Variants in LMAN1 observed in about 807,000 individuals in gnomAD.
The protein encoded by LMAN1 is protein ERGIC-53.
Under a neutral mutation model 67.8 loss-of-function variants are expected in LMAN1, and 32 were observed. The ratio of observed to expected loss-of-function variants is 0.47; its 90% CI spans 0.36 to 0.63. The LOEUF is 0.63. Among genes scored for constraint, LMAN1 ranks in the 30% least tolerant of loss-of-function variants. The pLI is 0.00. For missense variants in LMAN1, 632 were observed against 628.2 expected (o/e 1.01, Z -0.06); for synonymous variants, 235 against 219.3 (o/e 1.07, Z -0.63).
At chr18:59,358,980 G>C (rs1357788005) in intron 1 of LMAN1, 51 bp downstream of exon 1, 1 of 1,555,130 alleles carries the variant, frequency 6.4e-7, no homozygotes, top group Non-Finnish European at 8.8e-7. Flanking sequence ...AGGCGAAGAG[G>C]CAGCAGAAGG....
rs975936251 is a variant in LMAN1 at position 59,328,603 on chromosome 18, C to T, written c.*2490G>A. 6.6e-6 allele frequency: 1 copy of T among 151,876 alleles called. No individual in the cohort carries two copies. The highest frequency in any genetic ancestry group is 1.9e-4 in the East Asian group (1 of 5,174). The allele number at this position is 151,876 out of a possible 1,614,324, so 9.4% of individuals were successfully genotyped here. A position where few individuals can be genotyped will look rare whatever the true frequency, so the allele number is the denominator to read the frequency against. ...TCCCACTCCTCATTTTAGTGGTTCT[C>T]AAACATTGGTGTGCTCAGAATCTCC... is the stretch of plus-strand genomic sequence containing the variant. On this transcript the variant is annotated 3_prime_UTR_variant, in exon 13 of 13. Coordinates refer to ENST00000251047, the MANE Select transcript of LMAN1 (RefSeq NM_005570.4).
In LMAN1 at chr18:59,359,087, T is replaced by C; in HGVS notation, c.158A>G (p.Lys53Arg). The C allele has an allele frequency of 6.2e-7, 1 of 1,614,048 alleles. No individual in the cohort carries two copies. The highest frequency in any genetic ancestry group is 1.3e-5 in the African/African-American group (1 of 75,028). Reference sequence around the variant, plus strand: ...GTCGCTCTGCACCAGGTGCGGCCCCTTGAAGCTGTATTTGTACTCGAAACG... The same window carrying C: ...GTCGCTCTGCACCAGGTGCGGCCCCCTGAAGCTGTATTTGTACTCGAAACG... ...HRRFEYKYSF[K>R]GPHLVQSDGT... Residue 53 changes from lysine to arginine, a missense_variant, in exon 1 of 13, where the codon AAG becomes AGG. Physicochemically the swap from Lys to Arg is conservative, Grantham distance 26 (BLOSUM62 2). Coordinates refer to ENST00000251047, the MANE Select transcript of LMAN1 (RefSeq NM_005570.4).
intron 8 of LMAN1, among the ~76,000 whole-genome samples, chr18:59,343,653 A>G (rs1225607131): frequency 6.6e-6 from 1 of 152,170 alleles, no homozygotes; most frequent in Non-Finnish European, 1.5e-5. Flanking sequence ...AATTAACTCA[A>G]GATGGATTAA....
chr18:59,358,614 G>C (rs35470917), intron 1 of LMAN1, among the ~76,000 whole-genome samples: 1 of 152,148 alleles, frequency 6.6e-6, no homozygotes, highest in East Asian at 1.9e-4. Context: ...AGGAAGTAAG[G>C]GGGCTTCTAG....
rs542887238 is a variant in LMAN1, at chr18:59,358,989, G to C, written c.214+42C>G. The C allele has an allele frequency of 1.1e-5, 18 of 1,585,254 alleles. 1 individual carries two copies. The highest frequency in any genetic ancestry group is 8.8e-5 in the South Asian group (8 of 90,534). On this transcript the variant is annotated intron_variant, in intron 1 of 12. Transcript: ENST00000251047. The stretch of plus-strand genomic sequence containing the variant: ...GATGAAAGGCGAAGAGGCAGCAGAA[G>C]GGGGAGAGGAACCCGGCCCCCAGCC...
chr18:59,343,465 G>A (rs535549422), intron 8 of LMAN1, among the ~76,000 whole-genome samples: 1 of 152,174 alleles, frequency 6.6e-6, no homozygotes, highest in African/African-American at 2.4e-5. Context: ...ATAAGTCAGT[G>A]GAACAGAACA....
rs1470245628 is a variant in LMAN1, at chr18:59,338,932, A to G, written c.977T>C (p.Val326Ala). The change falls in exon 9 of 13, where the codon GTA becomes GCA. Residue 326 changes from valine (V) to alanine (A), a missense_variant. Coordinates refer to ENST00000251047, the MANE Select transcript of LMAN1 (RefSeq NM_005570.4). ...GACTTGTCTTAGCTCTCGATCTCCTACACTCTCAAATATTTCCTCCGCTGA... is the reference window on the plus strand; with the variant it reads ...GACTTGTCTTAGCTCTCGATCTCCTGCACTCTCAAATATTTCCTCCGCTGA... ...GQPAEEIFESVGDRELRQVFE... is the reference protein window; with the variant it reads ...GQPAEEIFESAGDRELRQVFE... 2 of 1,612,676 alleles carry G rather than the reference A, an allele frequency of 1.2e-6. No individual in the cohort carries two copies. Among genetic ancestry groups the G allele is most frequent in the South Asian group, 2.2e-5 (2 of 91,060 alleles).
intron 6 of LMAN1, among the ~76,000 whole-genome samples, chr18:59,348,179 C>A (rs1320517995): frequency 1.3e-5 from 2 of 152,234 alleles, no homozygotes; most frequent in African/African-American, 4.8e-5. Context: ...AACTTCCTAA[C>A]CCTTAACTAA....
rs755323146 is a variant in LMAN1 at position 59,355,671 on chromosome 18, T to C, written c.215-13A>G. On this transcript the variant is annotated splice_polypyrimidine_tract_variant and intron_variant, in intron 1 of 12. Coordinates refer to ENST00000251047, the MANE Select transcript of LMAN1 (RefSeq NM_005570.4). ...CTTGGAATAGCATCTAGAACAGAAA[T>C]CAGGGGAAAAAAGCTTTAAGTTATA... 3.1e-6 allele frequency: 5 copies of C among 1,612,344 alleles called. No homozygotes were observed. The highest frequency in any genetic ancestry group is 2.2e-5 in the East Asian group (1 of 44,892).
chr18:59,359,032 C>T lies in LMAN1; in HGVS notation c.213G>A (p.Gly71=), dbSNP rs1470799076. The change falls in exon 1 of 13, where the codon GGG becomes GGA. Residue 71 remains glycine (G), a splice_region_variant and synonymous_variant. Coordinates refer to ENST00000251047, the MANE Select transcript of LMAN1 (RefSeq NM_005570.4). The part of the protein sequence containing the change: ...DGTVPFWAHA[G]NAIPSSDQIR... ...CCCCAGCCCTCTGCTCCGGCTTACT[C>T]CCCGCGTGGGCCCAGAAGGGCACGG... 1.9e-6 allele frequency: 3 copies of T among 1,613,738 alleles called. No individual in the cohort carries two copies. The highest frequency in any genetic ancestry group is 2.5e-6 in the Non-Finnish European group (3 of 1,179,962).
In LMAN1 at chr18:59,331,091, A is replaced by AG; in HGVS notation, c.*1dup. 6.2e-7 allele frequency: 1 copy of AG among 1,606,102 alleles called. No homozygotes were observed. The highest frequency in any genetic ancestry group is 8.5e-7 in the Non-Finnish European group (1 of 1,173,232). On this transcript the variant is annotated 3_prime_UTR_variant, in exon 13 of 13. Transcript: ENST00000251047. ...TAGATGAAGTACACAGGAAAATGGT[A>AG]GTCAAAAGAATTTTTTGGCAGCTGC...
intron 4 of LMAN1, among the ~76,000 whole-genome samples, chr18:59,354,030 CCA>C (rs1332517208): frequency 1.3e-5 from 2 of 152,238 alleles, no homozygotes; most frequent in Admixed American, 1.3e-4. Context: ...TTGGTTGAAT[CCA>C]CAGATACGGA....
intron 8 of LMAN1, among the ~76,000 whole-genome samples, chr18:59,342,539 C>A (rs902378111): frequency 9.9e-5 from 15 of 152,160 alleles, no homozygotes; most frequent in African/African-American, 3.6e-4. Flanking sequence ...ATATATGATA[C>A]ACCACATAAA....
chr18:59,358,448 T>C (rs1252936953), intron 1 of LMAN1, among the ~76,000 whole-genome samples: 2 of 152,188 alleles, frequency 1.3e-5, no homozygotes, highest in Non-Finnish European at 2.9e-5. Flanking sequence ...AGTATAAGAA[T>C]GTCTTCTGAC....
intron 6 of LMAN1, 78 bp downstream of exon 6, chr18:59,349,035 G>C: frequency 6.6e-7 from 1 of 1,524,666 alleles, no homozygotes; most frequent in Non-Finnish European, 9.1e-7. Context: ...GTATAAACAA[G>C]TCTACATATC....
chr18:59,354,403 A>T, intron 4 of LMAN1, 116 bp downstream of exon 4: 1 of 687,684 alleles, frequency 1.5e-6, no homozygotes, highest in Non-Finnish European at 2.6e-6. Flanking sequence ...AATATGTCTC[A>T]AGAAAAAGAA....
chr18:59,347,320 C>CAAAAAAAAAAAAAA (rs58932497), intron 7 of LMAN1, among the ~76,000 whole-genome samples, 193 bp downstream of exon 7: 3 of 70,348 alleles, frequency 4.3e-5, no homozygotes, highest in Admixed American at 2.1e-4. Context: ...GACTCCGTCT[C>CAAAAAAAAAAAAAA]AAAAAAAAAA....
chr18:59,350,398 T>C (rs1908514161), intron 5 of LMAN1, among the ~76,000 whole-genome samples: 1 of 152,226 alleles, frequency 6.6e-6, no homozygotes. Context: ...CAAATTACAA[T>C]ACTAAAATCC....
Position 59,329,645 on chromosome 18 carries a change from A to C in LMAN1, c.*1448T>G, listed in dbSNP as rs942949098. On this transcript the variant is annotated 3_prime_UTR_variant, in exon 13 of 13. Transcript: ENST00000251047. ...TAAAAAGCAACGCCAGACTGTTTGC[A>C]CACACAGCACTCGTTTGGTATTGCT... is the stretch of plus-strand genomic sequence containing the variant. 8 of 152,174 alleles carry C rather than the reference A, an allele frequency of 5.3e-5. No homozygotes were observed. Among genetic ancestry groups the C allele is most frequent in the African/African-American group, 1.9e-4 (8 of 41,458 alleles). 9.4% of individuals were successfully genotyped at this position (152,174 alleles called of 1,614,324 possible). A position where few individuals can be genotyped will look rare whatever the true frequency, so the allele number is the denominator to read the frequency against.
Sources: gnomAD v4.1 joint callset for allele counts (sites outside exome capture counted in the v4.1 genomes callset) on GRCh38, gnomAD v4.1.1 for gene constraint, MANE v1.5 for transcripts, NCBI Gene and HGNC (gene_info 2026-07-23, HGNC 2026-07-21) for gene names.